Variants in NT5C2 observed in about 807,000 individuals in gnomAD.
NT5C2 encodes 5'-nucleotidase, cytosolic II.
NT5C2 carries 58 observed loss-of-function variants against 76.1 expected under a neutral mutation model. The ratio of observed to expected loss-of-function variants is 0.76; its 90% CI spans 0.62 to 0.95. NT5C2 has a LOEUF of 0.95. Among genes scored for constraint, NT5C2 ranks in the 40% least tolerant of loss-of-function variants. The pLI is 0.00. For missense variants in NT5C2, 478 were observed against 690.3 expected (o/e 0.69, Z 3.45); for synonymous variants, 229 against 237.4 (o/e 0.96, Z 0.32).
intron 1 of NT5C2, among the ~76,000 whole-genome samples, chr10:103,183,289 A>ATC (rs1311108092): frequency 1.7e-5 from 2 of 115,270 alleles, no homozygotes; most frequent in East Asian, 7.6e-4. Context: ...ATATATATAT[A>ATC]TATATCACAC....
intron 1 of NT5C2, among the ~76,000 whole-genome samples, chr10:103,185,444 G>A (rs1591897655): frequency 1.3e-5 from 2 of 151,786 alleles, no homozygotes; most frequent in South Asian, 2.1e-4. Context: ...CTAGGAGTTC[G>A]AGACCAGCCT....
chr10:103,181,095 A>G (rs749299023), intron 2 of NT5C2, 90 bp downstream of exon 2: 4 of 152,078 alleles, frequency 2.6e-5, no homozygotes, highest in African/African-American at 7.2e-5. Flanking sequence ...AAGGGGTGAT[A>G]CGTTCAATAT....
intron 4 of NT5C2, among the ~76,000 whole-genome samples, chr10:103,129,137 C>CT (rs2077375836): frequency 8.1e-6 from 1 of 123,502 alleles, no homozygotes; most frequent in Admixed American, 7.5e-5. Context: ...GGGTCAGCCC[C>CT]CCGCCCGGCC....
intron 3 of NT5C2, among the ~76,000 whole-genome samples, chr10:103,156,965 G>A (rs1228488974): frequency 6.6e-6 from 1 of 151,962 alleles, no homozygotes; most frequent in Admixed American, 6.6e-5. Flanking sequence ...GCTGAGGCAG[G>A]AGAATGCCGT....
At chr10:103,094,861 A>G (rs1177523297) in intron 12 of NT5C2, among the ~76,000 whole-genome samples, 1 of 144,506 alleles carries the variant, frequency 6.9e-6, no homozygotes, top group Non-Finnish European at 1.5e-5. Context: ...CAGCTTGGCA[A>G]CAGAGCAAGA....
chr10:103,160,370 C>T (rs986442138), intron 3 of NT5C2, among the ~76,000 whole-genome samples: 1 of 151,844 alleles, frequency 6.6e-6, no homozygotes, highest in Non-Finnish European at 1.5e-5. Context: ...AAAGCATACT[C>T]GAAAAAAGAA....
chr10:103,098,818 T>TGC (rs2068836496), intron 10 of NT5C2, 113 bp downstream of exon 10: 13 of 765,338 alleles, frequency 1.7e-5, no homozygotes, highest in Admixed American at 1.3e-4. Flanking sequence ...ACACATACTA[T>TGC]GCCAAGACAA....
chr10:103,107,559 C>T (rs920553343), intron 4 of NT5C2, among the ~76,000 whole-genome samples: 7 of 151,800 alleles, frequency 4.6e-5, no homozygotes, highest in African/African-American at 1.2e-4. Flanking sequence ...TGCCTGTTGT[C>T]CCAGCTAGGA....
chr10:103,188,403 C>A (rs773048177), intron 1 of NT5C2, among the ~76,000 whole-genome samples: 1 of 152,156 alleles, frequency 6.6e-6, no homozygotes, highest in East Asian at 1.9e-4. Context: ...GAAAAAAATA[C>A]GCACTGTCAA....
intron 4 of NT5C2, among the ~76,000 whole-genome samples, chr10:103,126,963 A>G (rs1156324565): frequency 6.6e-6 from 1 of 152,006 alleles, no homozygotes; most frequent in African/African-American, 2.4e-5. Flanking sequence ...ACATACCATC[A>G]TGTCTGGGTA....
chr10:103,097,848 T>C, intron 10 of NT5C2: 1 of 358,504 alleles, frequency 2.8e-6, no homozygotes, highest in South Asian at 2.1e-5. Flanking sequence ...TACCTAGAAA[T>C]ACCCACACCC....
chr10:103,147,386 C>T (rs1278719650), intron 3 of NT5C2, among the ~76,000 whole-genome samples: 1 of 152,208 alleles, frequency 6.6e-6, no homozygotes, highest in Non-Finnish European at 1.5e-5. Context: ...TGTTTATATT[C>T]TTTTCCCTAA....
At chr10:103,153,346 C>G in intron 3 of NT5C2, 1 of 1,274,670 alleles carries the variant, frequency 7.8e-7, no homozygotes, top group Non-Finnish European at 1.0e-6. Context: ...ACAGGATCAA[C>G]AAACAAGCTT....
intron 4 of NT5C2, among the ~76,000 whole-genome samples, chr10:103,134,761 G>A (rs1446702179): frequency 6.6e-6 from 1 of 152,226 alleles, no homozygotes; most frequent in Non-Finnish European, 1.5e-5. Flanking sequence ...ACACCAGCCT[G>A]TGAAAGCAGC....
At chr10:103,137,329 T>C (rs532925759) in intron 4 of NT5C2, among the ~76,000 whole-genome samples, 26 of 152,248 alleles carry the variant, frequency 1.7e-4, no homozygotes, top group African/African-American at 6.0e-4. Flanking sequence ...AGAAAAACAT[T>C]AAATGCTGCA....
chr10:103,181,991 C>G (rs545247716), intron 1 of NT5C2, among the ~76,000 whole-genome samples: 30 of 147,928 alleles, frequency 2.0e-4, no homozygotes, highest in Admixed American at 4.1e-4. Flanking sequence ...GCCTGGGCAA[C>G]AGAGCGAGAC....
At chr10:103,118,359 T>C in intron 4 of NT5C2, among the ~76,000 whole-genome samples, 1 of 137,232 alleles carries the variant, frequency 7.3e-6, no homozygotes. Flanking sequence ...ATATTTCTTT[T>C]CCTTTTTTTT....
intron 3 of NT5C2, among the ~76,000 whole-genome samples, chr10:103,173,549 G>A (rs1256883495): frequency 2.7e-5 from 4 of 149,986 alleles, no homozygotes; most frequent in Non-Finnish European, 5.9e-5. Context: ...CCCGGGAGAC[G>A]GAGCCTGCAG....
intron 4 of NT5C2, among the ~76,000 whole-genome samples, chr10:103,120,899 T>C (rs2075523983): frequency 6.6e-6 from 1 of 152,198 alleles, no homozygotes; most frequent in African/African-American, 2.4e-5. Context: ...ACAATCCCCA[T>C]GTCCATCAAC....
Sources: gnomAD v4.1 joint callset for allele counts (sites outside exome capture counted in the v4.1 genomes callset) on GRCh38, gnomAD v4.1.1 for gene constraint, MANE v1.5 for transcripts, NCBI Gene and HGNC (gene_info 2026-07-23, HGNC 2026-07-21) for gene names.